The following P2RY8 variants were observed in gnomAD, a reference collection of about 807,000 sequenced individuals.
P2RY8 encodes the protein S-geranylgeranyl-glutathione receptor P2RY8.
P2RY8 carries 6 observed loss-of-function variants against 10.0 expected under a neutral mutation model. The observed-to-expected ratio is 0.60, with a 90% CI of 0.33 to 1.19. The LOEUF (loss-of-function observed/expected upper bound fraction) is 1.19. Ranked by LOEUF, P2RY8 falls within the 50% of genes most tolerant of loss-of-function variation. The probability of loss-of-function intolerance (pLI) is 0.04; values close to 1 mark genes in which losing one functional copy is unlikely to be tolerated. For synonymous variants in P2RY8, 276 were observed against 252.5 expected, an observed-to-expected ratio of 1.09 and a Z score of -0.88; for missense variants, 456 against 542.0, an observed-to-expected ratio of 0.84 and a Z score of 1.58.
At chrX:1,493,444 A>T (rs1249015560) in intron 1 of P2RY8, among the ~76,000 whole-genome samples, 18 of 83,068 alleles carry the variant, frequency 2.2e-4, no homozygotes, top group Non-Finnish European at 4.0e-4. Context: ...GGGAAGGAGG[A>T]GGAAGGAGGA....
chrX:1,471,913 G>C (rs1235614492), intron 1 of P2RY8, among the ~76,000 whole-genome samples: 8 of 152,248 alleles, frequency 5.3e-5, no homozygotes, highest in Admixed American at 3.9e-4. Flanking sequence ...CCAGCCCTAA[G>C]GAACCACAAG....
intron 1 of P2RY8, among the ~76,000 whole-genome samples, chrX:1,498,366 A>T (rs747573358): frequency 1.2e-4 from 17 of 137,722 alleles, no homozygotes; most frequent in Non-Finnish European, 2.3e-4. Context: ...AGATCGCGCC[A>T]CTGCACTCCA....
intron 1 of P2RY8, among the ~76,000 whole-genome samples, chrX:1,469,314 C>T (rs1322144920): frequency 1.3e-5 from 2 of 150,828 alleles, no homozygotes; most frequent in Non-Finnish European, 2.9e-5. Flanking sequence ...CATGCATGCA[C>T]CACCACGCCT....
chrX:1,526,152 C>CTCAT (rs199609195), intron 1 of P2RY8, among the ~76,000 whole-genome samples: 21 of 146,616 alleles, frequency 1.4e-4, no homozygotes, highest in African/African-American at 4.3e-4. Context: ...CATTCGTTCA[C>CTCAT]TCATTCATTC....
intron 1 of P2RY8, among the ~76,000 whole-genome samples, chrX:1,471,348 C>T (rs1385579344): frequency 6.1e-5 from 7 of 115,158 alleles, no homozygotes; most frequent in Non-Finnish European, 1.0e-4. Context: ...TTAGTAACGA[C>T]GGGGTTTCAT....
chrX:1,466,370 G>T lies in P2RY8; in HGVS notation c.189C>A (p.Ile63=), dbSNP rs780449772. 3.7e-6 allele frequency: 6 copies of T among 1,613,814 alleles called. No individual in the cohort carries two copies. The change falls in exon 2 of 2, where the codon ATC becomes ATA. Residue 63 remains isoleucine (I), a synonymous_variant. Coordinates refer to ENST00000381297, the MANE Select transcript of P2RY8 (RefSeq NM_178129.5). ...GPRSPSVIFM[I]NLSVTDLMLA... is the part of the protein sequence containing the mutation. Reference sequence around the variant, plus strand: ...GCATCAGGTCCGTGACGCTCAGGTTGATCATGAAGATGACCGACGGGGATC... The same window carrying T: ...GCATCAGGTCCGTGACGCTCAGGTTTATCATGAAGATGACCGACGGGGATC...
intron 1 of P2RY8, among the ~76,000 whole-genome samples, chrX:1,500,570 G>C (rs1387980940): frequency 1.3e-5 from 2 of 151,680 alleles, no homozygotes; most frequent in Non-Finnish European, 2.9e-5. Context: ...TCAGCCTCCC[G>C]AGTAGCTGGG....
chrX:1,466,481 C>T lies in P2RY8; in HGVS notation c.78G>A (p.Leu26=), dbSNP rs1330750920. Residue 26 remains leucine (L), a synonymous_variant, in exon 2 of 2, where the codon CTG becomes CTA. Coordinates refer to ENST00000381297, the MANE Select transcript of P2RY8 (RefSeq NM_178129.5). Reference sequence around the variant, plus strand: ...CCGCCACCAGCGAGTACACCACGGGCAGGGCCACCGCGATCGCCGGGTTCC... The same window carrying T: ...CCGCCACCAGCGAGTACACCACGGGTAGGGCCACCGCGATCGCCGGGTTCC... ...MLRNPAIAVA[L]PVVYSLVAAV... is the part of the protein sequence containing the mutation. 1.9e-6 allele frequency: 3 copies of T among 1,611,708 alleles called. No homozygotes were observed. The highest frequency in any genetic ancestry group is 2.5e-6 in the Non-Finnish European group (3 of 1,179,804).
intron 1 of P2RY8, among the ~76,000 whole-genome samples, chrX:1,514,683 TC>T (rs1453241249): frequency 0.79 from 1,426 of 1,794 alleles, 660 homozygotes; most frequent in Non-Finnish European, 0.92. Context: ...TCCTTTCCCT[TC>T]CCTTCCCTTC....
At position 1,494,869 on chromosome X, in the gene P2RY8, ATT is replaced by A. The variant is rs59572174; in HGVS notation, c.-24-28289_-24-28288del. 1.2e-3 allele frequency among the ~76,000 whole-genome samples: 171 copies of A among 143,904 alleles called. 1 individual carries two copies. Among genetic ancestry groups the A allele is most frequent in the Middle Eastern group, 3.6e-3 (1 of 280 alleles). 94.4% of individuals were successfully genotyped at this position (143,904 alleles called of 152,430 possible). On this transcript the variant is annotated intron_variant, in intron 1 of 1. Transcript: ENST00000381297. ...AGGCATACATCACCACACCTGGCTA[ATT>A]TTTTTTTTTTTTTGTATTTTTTTTT...
At position 1,522,790 on chromosome X, in the gene P2RY8, C is replaced by T. The variant is rs1287245103; in HGVS notation, c.-25+14131G>A. The stretch of plus-strand genomic sequence containing the variant: ...TGCCCCTAAAAATAAAAATTAAGGC[C>T]GGGCGTGGTGGCTCACACCTGTTAT... On this transcript the variant is annotated intron_variant, in intron 1 of 1. Transcript: ENST00000381297. Among the ~76,000 whole-genome samples, 6 of 147,828 alleles carry T rather than the reference C, an allele frequency of 4.1e-5. No individual in the cohort carries two copies. The South Asian group carries it at 6.5e-4, about 16-fold the overall frequency.
intron 1 of P2RY8, among the ~76,000 whole-genome samples, chrX:1,528,035 C>T (rs2092450377): frequency 6.6e-6 from 1 of 152,136 alleles, no homozygotes; most frequent in Admixed American, 6.5e-5. Context: ...GTCCTGAGTG[C>T]AGGAGTAGTC....
chrX:1,514,426 C>T (rs2092323146), intron 1 of P2RY8, among the ~76,000 whole-genome samples: 3 of 33,944 alleles, frequency 8.8e-5, no homozygotes, highest in Admixed American at 2.0e-4. Context: ...CCTTCCCTTC[C>T]TTTCCCTTCT....
chrX:1,526,058 T>TCATC (rs1247670645), intron 1 of P2RY8, among the ~76,000 whole-genome samples: 1 of 151,378 alleles, frequency 6.6e-6, no homozygotes, highest in Non-Finnish European at 1.5e-5. Flanking sequence ...ATCCATCTAT[T>TCATC]CATCCATCCA....
chrX:1,511,519 T>C (rs1470734052), intron 1 of P2RY8, among the ~76,000 whole-genome samples: 1 of 152,222 alleles, frequency 6.6e-6, no homozygotes, highest in Non-Finnish European at 1.5e-5. Flanking sequence ...GTACATCTTG[T>C]CATTTTTTGT....
At chrX:1,509,877 C>G (rs2092285781) in intron 1 of P2RY8, among the ~76,000 whole-genome samples, 1 of 151,072 alleles carries the variant, frequency 6.6e-6, no homozygotes, top group African/African-American at 2.4e-5. Context: ...ATGTATCTAT[C>G]CATTCTATCT....
At chrX:1,513,512 C>T (rs1429929258) in intron 1 of P2RY8, among the ~76,000 whole-genome samples, 11 of 150,140 alleles carry the variant, frequency 7.3e-5, no homozygotes, top group African/African-American at 1.5e-4. Context: ...TCTGTCTCCA[C>T]GTGGCCTTCT....
chrX:1,531,299 C>A (rs1447672355), intron 1 of P2RY8, among the ~76,000 whole-genome samples: 1 of 152,144 alleles, frequency 6.6e-6, no homozygotes, highest in African/African-American at 2.4e-5. Flanking sequence ...TCCCCCGCCC[C>A]AAATGTCACT....
intron 1 of P2RY8, among the ~76,000 whole-genome samples, chrX:1,519,531 A>T (rs2092376018): frequency 6.7e-6 from 1 of 150,280 alleles, no homozygotes; most frequent in Non-Finnish European, 1.5e-5. Flanking sequence ...CTCTGGTCCC[A>T]ATATTCTCTC....
Sources: allele counts gnomAD v4.1 joint callset (sites outside exome capture counted in the v4.1 genomes callset), GRCh38; gene constraint gnomAD v4.1.1; transcripts MANE v1.5; gene names NCBI Gene and HGNC (gene_info 2026-07-23, HGNC 2026-07-21).